FOXK2: variants seen among roughly 807,000 people sequenced by gnomAD.
FOXK2 encodes forkhead box K2, also known as forkhead box protein K2.
A neutral mutation model predicts 53.3 loss-of-function variants in FOXK2; 24 were observed. That is an observed-to-expected ratio of 0.45 (90% CI 0.33 to 0.63). The LOEUF (loss-of-function observed/expected upper bound fraction) is 0.63, where lower values mean the gene tolerates loss of function less well. Among genes scored for constraint, FOXK2 ranks in the 30% least tolerant of loss-of-function variants. FOXK2 has a pLI of 0.03. For missense variants in FOXK2, 952 were observed against 910.5 expected, an observed-to-expected ratio of 1.05 and a Z score of -0.59; for synonymous variants, 505 against 407.1, an observed-to-expected ratio of 1.24 and a Z score of -2.89.
intron 2 of FOXK2, among the ~76,000 whole-genome samples, chr17:82,564,851 C>T (rs190133889): frequency 6.6e-6 from 1 of 151,736 alleles, no homozygotes; most frequent in African/African-American, 2.4e-5. Flanking sequence ...AAGCCTCAGT[C>T]TCCTGAGTAG....
intron 8 of FOXK2, chr17:82,600,859 G>A: frequency 5.9e-6 from 1 of 168,270 alleles, no homozygotes; most frequent in Non-Finnish European, 1.3e-5. Flanking sequence ...GGGGGGCGAG[G>A]GCAGGGCCTC....
chr17:82,564,302 T>C (rs1378735159), intron 2 of FOXK2, among the ~76,000 whole-genome samples: 1 of 152,132 alleles, frequency 6.6e-6, no homozygotes. Flanking sequence ...TTGGCCAGGC[T>C]GATCTCAAAC....
intron 1 of FOXK2, among the ~76,000 whole-genome samples, chr17:82,562,977 T>C (rs1445538051): frequency 2.0e-5 from 3 of 152,038 alleles, no homozygotes; most frequent in African/African-American, 7.2e-5. Context: ...GGCTAATTTT[T>C]TGTAGTCTTT....
chr17:82,591,937 T>TC (rs1163361929), intron 8 of FOXK2, among the ~76,000 whole-genome samples: 1 of 152,238 alleles, frequency 6.6e-6, no homozygotes, highest in Non-Finnish European at 1.5e-5. Flanking sequence ...ACTGTCTTGC[T>TC]CTGTCACCCA....
At chr17:82,564,831 A>G (rs2044836725) in intron 2 of FOXK2, among the ~76,000 whole-genome samples, 1 of 151,616 alleles carries the variant, frequency 6.6e-6, no homozygotes, top group Non-Finnish European at 1.5e-5. Flanking sequence ...CCCAGGTTCA[A>G]GCGATTCTCA....
At chr17:82,593,610 C>T (rs1175779155) in intron 8 of FOXK2, 1 of 152,340 alleles carries the variant, frequency 6.6e-6, no homozygotes, top group African/African-American at 2.4e-5. Context: ...CCATGTCCCT[C>T]ACAAGGACCC....
At chr17:82,544,596 C>T (rs966139691) in intron 1 of FOXK2, among the ~76,000 whole-genome samples, 1 of 152,166 alleles carries the variant, frequency 6.6e-6, no homozygotes, top group African/African-American at 2.4e-5. Flanking sequence ...AATATTCTCA[C>T]TAAGTGGGCT....
intron 5 of FOXK2, among the ~76,000 whole-genome samples, 164 bp from the exon 6 acceptor site, chr17:82,583,849 T>C (rs1335310297): frequency 6.6e-6 from 1 of 152,170 alleles, no homozygotes; most frequent in African/African-American, 2.4e-5. Flanking sequence ...AGTGTCCCGC[T>C]CAGTTCACAG....
intron 8 of FOXK2, among the ~76,000 whole-genome samples, chr17:82,590,020 T>C (rs2045237259): frequency 1.3e-5 from 2 of 151,240 alleles, no homozygotes; most frequent in African/African-American, 4.9e-5. Context: ...CACTCCAGCC[T>C]GGGCAACACA....
chr17:82,544,776 C>T (rs2144079634), intron 1 of FOXK2, among the ~76,000 whole-genome samples: 1 of 152,094 alleles, frequency 6.6e-6, no homozygotes, highest in African/African-American at 2.4e-5. Flanking sequence ...GAGGGGTGTG[C>T]AGAGTGAAGT....
chr17:82,601,152 C>T (rs927154292), intron 8 of FOXK2, 151 bp from the exon 9 acceptor site: 13 of 827,702 alleles, frequency 1.6e-5, no homozygotes, highest in Admixed American at 5.7e-5. Context: ...GGAGCCTCCG[C>T]GGGCCTGGGA....
chr17:82,551,867 A>G (rs11654654), intron 1 of FOXK2, among the ~76,000 whole-genome samples: 6,522 of 152,014 alleles, frequency 0.043, 153 homozygotes, highest in African/African-American at 0.052. Context: ...TGCCACTCAG[A>G]CCTCCTCCAA....
intron 1 of FOXK2, among the ~76,000 whole-genome samples, chr17:82,562,472 C>T (rs756674219): frequency 2.4e-4 from 36 of 151,932 alleles, no homozygotes; most frequent in Non-Finnish European, 7.4e-5. Context: ...CCCAGCTACT[C>T]AGGAGGCTGA....
Position 82,602,846 on chromosome 17 carries a change from G to A in FOXK2, c.*1347G>A, listed in dbSNP as rs914975900. On this transcript the variant is annotated 3_prime_UTR_variant, in exon 9 of 9. Coordinates refer to ENST00000335255, the MANE Select transcript of FOXK2 (RefSeq NM_004514.4). ...CCGTGCACATGGGGAGAGGGCGTCA[G>A]CCTGATGGCTGAGCTTTTAAATGTC... The A allele has an allele frequency of 2.0e-5, 3 of 152,312 alleles. No individual in the cohort carries two copies. Among genetic ancestry groups the A allele is most frequent in the African/African-American group, 7.2e-5 (3 of 41,458 alleles). 9.4% of individuals were successfully genotyped at this position (152,312 alleles called of 1,614,324 possible). A position where few individuals can be genotyped will look rare whatever the true frequency, so the allele number is the denominator to read the frequency against.
intron 4 of FOXK2, among the ~76,000 whole-genome samples, chr17:82,575,286 G>A (rs190376057): frequency 9.9e-5 from 15 of 152,208 alleles, no homozygotes; most frequent in Admixed American, 2.0e-4. Flanking sequence ...TAACAAACTG[G>A]TTTATACCGA....
intron 3 of FOXK2, among the ~76,000 whole-genome samples, chr17:82,569,764 G>A (rs1046711790): frequency 6.6e-6 from 1 of 152,156 alleles, no homozygotes; most frequent in East Asian, 1.9e-4. Context: ...ACAGCTGCTC[G>A]GGAGGCTGAG....
Position 82,563,443 on chromosome 17 carries a change from C to T in FOXK2, c.509C>T (p.Ser170Phe), listed in dbSNP as rs780496048. Residue 170 changes from serine to phenylalanine, a missense_variant, in exon 2 of 9, where the codon TCT (serine) becomes TTT (phenylalanine). Coordinates refer to ENST00000335255, the MANE Select transcript of FOXK2 (RefSeq NM_004514.4). ...EKREKQEASE[S>F]PVKAVQPHIS... ...AGAGAGAAGCAGGAGGCGTCTGAGT[C>T]TCCAGTGAAGGCCGTACAGCCACAC... 6.2e-7 allele frequency: 1 copy of T among 1,614,082 alleles called. No homozygotes were observed. The highest frequency in any genetic ancestry group is 8.5e-7 in the Non-Finnish European group (1 of 1,180,046).
chr17:82,550,688 A>G (rs2044668500), intron 1 of FOXK2, among the ~76,000 whole-genome samples: 1 of 151,658 alleles, frequency 6.6e-6, no homozygotes, highest in Non-Finnish European at 1.5e-5. Context: ...GTATTTTTTA[A>G]TAGAGACAGG....
chr17:82,585,879 T>A, intron 6 of FOXK2, 25 bp from the exon 7 acceptor site: 1 of 1,593,962 alleles, frequency 6.3e-7, no homozygotes, highest in Non-Finnish European at 8.6e-7. Context: ...TCTGTAAGTG[T>A]CAGTCCTGCT....
Sources: allele counts gnomAD v4.1 joint callset (sites outside exome capture counted in the v4.1 genomes callset), GRCh38; gene constraint gnomAD v4.1.1; transcripts MANE v1.5; gene names NCBI Gene and HGNC (gene_info 2026-07-23, HGNC 2026-07-21).